Variants in FGF13 observed in about 807,000 individuals in gnomAD.
FGF13 encodes the protein fibroblast growth factor 13.
FGF13 carries 2 observed loss-of-function variants against 19.5 expected under a neutral mutation model. The observed-to-expected ratio is 0.10, with a 90% CI of 0.04 to 0.32. The LOEUF (loss-of-function observed/expected upper bound fraction) is 0.32. FGF13 is among the 10% of genes least tolerant of loss of function. The pLI, the probability that FGF13 is intolerant of heterozygous loss-of-function variation, is 1.00. For missense variants in FGF13, 113 were observed against 192.7 expected (o/e 0.59, Z 2.45); for synonymous variants, 72 against 76.9 (o/e 0.94, Z 0.33).
In FGF13 at chrX:138,708,891, G is replaced by A; in HGVS notation, c.225C>T (p.Ser75=). ...QLKGIVTKLY[S]RQGYHLQLQA... Reference sequence around the variant, plus strand: ...GCAGCTGCAAGTGGTAGCCTTGTCGGCTGTATAGCTTGGTAACTATACCCT... The same window carrying A: ...GCAGCTGCAAGTGGTAGCCTTGTCGACTGTATAGCTTGGTAACTATACCCT... Residue 75 remains serine, a synonymous_variant, in exon 2 of 5, where the codon AGC becomes AGT. Coordinates refer to ENST00000315930, the MANE Select transcript of FGF13 (RefSeq NM_004114.5). 1.7e-6 allele frequency: 2 copies of A among 1,207,365 alleles called. No individual in the cohort carries two copies. Among genetic ancestry groups the A allele is most frequent in the Non-Finnish European group, 2.2e-6 (2 of 891,855 alleles).
At position 138,618,356 on chromosome X, in the gene FGF13, C is replaced by T. The variant is rs1214987626; in HGVS notation, c.*14494G>A. 9.0e-6 allele frequency: 1 copy of T among 111,644 alleles called. No homozygotes were observed. The highest frequency in any genetic ancestry group is 3.3e-5 in the African/African-American group (1 of 30,621). The allele number at this position is 111,644 out of a possible 1,213,427, so 9.2% of individuals were successfully genotyped here. A position where few individuals can be genotyped will look rare whatever the true frequency, so the allele number is the denominator to read the frequency against. On this transcript the variant is annotated 3_prime_UTR_variant, in exon 5 of 5. Transcript: ENST00000315930. ...GTAAATGAATGCCTGGCTTTCCTAG[C>T]CACGTGGGACACTGACCAAGAGGCC...
chrX:138,819,152 T>G (rs781352486), intron 3 of FGF13, among the ~76,000 whole-genome samples: 1 of 111,705 alleles, frequency 9.0e-6, no homozygotes, highest in East Asian at 2.8e-4. Flanking sequence ...GAGACTTAGG[T>G]AGAAAACCCA....
intron 1 of FGF13, among the ~76,000 whole-genome samples, chrX:139,142,168 A>G (rs943876375): frequency 1.8e-5 from 2 of 112,146 alleles, no homozygotes; most frequent in African/African-American, 6.5e-5. Flanking sequence ...ATATAAAGAC[A>G]GCTAGTTTCC....
At position 139,066,210 on chromosome X, in the gene FGF13, A is replaced by G. The variant is rs901444346; in HGVS notation, c.-113+137206T>C. Among the ~76,000 whole-genome samples, 3 of 111,958 alleles carry G rather than the reference A, an allele frequency of 2.7e-5. No homozygotes were observed. In the Admixed American group the frequency reaches 2.9e-4, roughly 11 times the overall value. On this transcript the variant is annotated intron_variant, in intron 1 of 2. Transcript: ENST00000421460. The stretch of plus-strand genomic sequence containing the variant: ...AAATTTGTAGCACTAAATGCCCACG[A>G]GAGAAAGCAGGAAGGATCTAAAATC...
At chrX:139,112,347 A>C (rs1042495337) in intron 1 of FGF13, among the ~76,000 whole-genome samples, 1 of 111,091 alleles carries the variant, frequency 9.0e-6, no homozygotes, top group African/African-American at 3.3e-5. Flanking sequence ...ATAATCATTA[A>C]CCATCAAGTT....
intron 3 of FGF13, among the ~76,000 whole-genome samples, chrX:138,833,896 T>TA (rs2091092313): frequency 8.9e-6 from 1 of 112,269 alleles, no homozygotes; most frequent in South Asian, 3.7e-4. Context: ...GAAAGCCTTT[T>TA]ATGCATCCAT....
chrX:138,808,305 C>T (rs2090889592), intron 3 of FGF13, among the ~76,000 whole-genome samples: 1 of 112,052 alleles, frequency 8.9e-6, no homozygotes, highest in African/African-American at 3.3e-5. Flanking sequence ...AACCGCTCAA[C>T]TGCAAGGAAA....
chrX:138,644,600 C>T (rs1299369086), intron 3 of FGF13, among the ~76,000 whole-genome samples: 5 of 111,697 alleles, frequency 4.5e-5, no homozygotes, highest in Admixed American at 3.8e-4. Flanking sequence ...GAGAATCACA[C>T]TTTTGACACA....
intron 1 of FGF13, among the ~76,000 whole-genome samples, chrX:138,875,156 C>T (rs1447783863): frequency 1.4e-4 from 15 of 105,462 alleles, no homozygotes; most frequent in Admixed American, 1.0e-3. Context: ...CACTTGAACC[C>T]GGGAGGCGAA....
intron 1 of FGF13, among the ~76,000 whole-genome samples, chrX:139,187,781 A>G (rs1296078154): frequency 8.9e-6 from 1 of 112,042 alleles, no homozygotes; most frequent in Non-Finnish European, 1.9e-5. Flanking sequence ...TGCATTTTCA[A>G]TATTTCTGCT....
chrX:138,865,432 T>TTC lies in FGF13; in HGVS notation c.-112-784_-112-783dup, dbSNP rs1304504230. On this transcript the variant is annotated intron_variant, in intron 1 of 2. Coordinates refer to the FGF13 transcript ENST00000421460. The stretch of plus-strand genomic sequence containing the variant: ...TCTCCAGTGAAAATTCCTCTCTCTC[T>TTC]TCTCTCTCTCTCTCTCTCCTCTCTC... Among the ~76,000 whole-genome samples, 84 of 99,047 alleles carry TTC rather than the reference T, an allele frequency of 8.5e-4. 1 individual carries two copies. Among genetic ancestry groups the TTC allele is most frequent in the African/African-American group, 2.4e-3 (61 of 25,659 alleles). The allele number at this position is 99,047 out of a possible 115,157, so 86.0% of individuals were successfully genotyped here.
At chrX:138,726,220 T>A (rs943007270) in intron 1 of FGF13, among the ~76,000 whole-genome samples, 1 of 110,478 alleles carries the variant, frequency 9.1e-6, no homozygotes, top group African/African-American at 3.3e-5. Context: ...AAAAAAAAAA[T>A]CATGCAGCAC....
rs767290204 is a variant in FGF13 at position 139,132,531 on chromosome X, A to G, written c.-113+70885T>C. On this transcript the variant is annotated intron_variant, in intron 1 of 2. Coordinates refer to the FGF13 transcript ENST00000421460. ...TTTACAAAGTATGTATCTAAGTCCAAGTATGTCATTTTTATGAATGATATG... is the reference window on the plus strand; with the variant it reads ...TTTACAAAGTATGTATCTAAGTCCAGGTATGTCATTTTTATGAATGATATG... 4.5e-5 allele frequency among the ~76,000 whole-genome samples: 5 copies of G among 112,209 alleles called. No individual in the cohort carries two copies. The South Asian group carries it at 1.8e-3, about 41-fold the overall frequency.
intron 1 of FGF13, among the ~76,000 whole-genome samples, chrX:139,042,507 G>A (rs771200518): frequency 8.9e-6 from 1 of 111,988 alleles, no homozygotes; most frequent in Admixed American, 9.5e-5. Flanking sequence ...GTTGTAAATC[G>A]AAACTGACAA....
chrX:138,790,420 A>G (rs2090733465), intron 3 of FGF13, among the ~76,000 whole-genome samples: 1 of 110,775 alleles, frequency 9.0e-6, no homozygotes, highest in Non-Finnish European at 1.9e-5. Context: ...ATGGCACTGG[A>G]GCAAACCTGA....
chrX:138,941,249 T>C (rs2091757070), intron 1 of FGF13, among the ~76,000 whole-genome samples: 1 of 111,598 alleles, frequency 9.0e-6, no homozygotes, highest in African/African-American at 3.3e-5. Context: ...GACATCCAAA[T>C]AGGAAGAGAG....
chrX:138,722,979 T>C (rs1176973887), intron 1 of FGF13, among the ~76,000 whole-genome samples: 1 of 111,863 alleles, frequency 8.9e-6, no homozygotes, highest in African/African-American at 3.3e-5. Flanking sequence ...CATAACAACC[T>C]TCTGAGGTAG....
intron 1 of FGF13, among the ~76,000 whole-genome samples, chrX:138,709,832 A>T (rs1378371524): frequency 8.9e-6 from 1 of 112,135 alleles, no homozygotes; most frequent in East Asian, 2.8e-4. Context: ...TTTTGAAACA[A>T]GCCTAATTTA....
chrX:139,161,864 AAGG>A (rs1049007383), intron 1 of FGF13, among the ~76,000 whole-genome samples: 6 of 111,921 alleles, frequency 5.4e-5, no homozygotes, highest in African/African-American at 2.0e-4. Context: ...GGACCTCTTC[AAGG>A]AGAACTACAA....
Sources: allele counts gnomAD v4.1 joint callset (sites outside exome capture counted in the v4.1 genomes callset), GRCh38; gene constraint gnomAD v4.1.1; transcripts MANE v1.5; gene names NCBI Gene and HGNC (gene_info 2026-07-23, HGNC 2026-07-21).